Variants in CEP126 observed in about 807,000 individuals in gnomAD.
CEP126 encodes centrosomal protein 126.
A neutral mutation model predicts 107.8 loss-of-function variants in CEP126; 74 were observed. The observed-to-expected ratio is 0.69, with a 90% confidence interval of 0.57 to 0.83. CEP126 has a LOEUF of 0.83. Among genes scored for constraint, CEP126 ranks in the 40% least tolerant of loss-of-function variants. The pLI is 0.00. For synonymous variants in CEP126, 449 were observed against 446.0 expected, an observed-to-expected ratio of 1.01 and a Z score of -0.08; for missense variants, 1,237 against 1,281.9, an observed-to-expected ratio of 0.96 and a Z score of 0.53.
intron 5 of CEP126, among the ~76,000 whole-genome samples, chr11:101,960,656 ATAAAT>A (rs948962470): frequency 2.6e-5 from 4 of 152,206 alleles, no homozygotes; most frequent in Admixed American, 1.3e-4. Flanking sequence ...AACTAACTAT[ATAAAT>A]TAAAATATTT....
chr11:101,934,637 C>T (rs867270537), intron 2 of CEP126, among the ~76,000 whole-genome samples: 2 of 152,052 alleles, frequency 1.3e-5, no homozygotes, highest in African/African-American at 4.8e-5. Context: ...CCCTTCATAG[C>T]AACCACTGTT....
At chr11:101,967,331 A>G (rs1259144711) in intron 6 of CEP126, among the ~76,000 whole-genome samples, 1 of 152,044 alleles carries the variant, frequency 6.6e-6, no homozygotes, top group Admixed American at 6.6e-5. Context: ...CATCATTTCA[A>G]TAGTTCTTTT....
At chr11:101,990,414 A>C (rs1941364739) in intron 9 of CEP126, among the ~76,000 whole-genome samples, 1 of 152,214 alleles carries the variant, frequency 6.6e-6, no homozygotes, top group Non-Finnish European at 1.5e-5. Context: ...GTGAAGACTT[A>C]CTGGGGCTAG....
chr11:101,962,434 T>C lies in CEP126; in HGVS notation c.1399T>C (p.Ser467Pro), dbSNP rs565696093. 5.6e-6 allele frequency: 9 copies of C among 1,613,838 alleles called. No individual in the cohort carries two copies. In the South Asian group the frequency reaches 9.9e-5, roughly 18 times the overall value. ...AGTGGCAACGCCTTTAGTTTTGCCA[T>C]CTAATATACAGTCAGCTAGACCTTC... The part of the protein sequence containing the change: ...VPVATPLVLP[S>P]NIQSARPSAK... The change falls in exon 6 of 11, where the codon TCT becomes CCT. Residue 467 changes from serine to proline, a missense_variant. Coordinates refer to ENST00000263468, the MANE Select transcript of CEP126 (RefSeq NM_020802.4).
intron 6 of CEP126, among the ~76,000 whole-genome samples, chr11:101,966,072 A>T (rs1176043727): frequency 6.6e-6 from 1 of 152,196 alleles, no homozygotes. Flanking sequence ...TTTTCCTGAC[A>T]TTTAGTCAAA....
At chr11:101,994,914 G>C (rs370838504) in intron 10 of CEP126, among the ~76,000 whole-genome samples, 1 of 148,502 alleles carries the variant, frequency 6.7e-6, no homozygotes, top group Non-Finnish European at 1.5e-5. Flanking sequence ...TGGGATACAT[G>C]TGCAGAACAT....
In CEP126 at chr11:101,961,694, C is replaced by T. The variant is rs1940970984; in HGVS notation, c.706-47C>T. ...TGGTATGTTGAATCGTTAATCTTGG[C>T]ATTTAAAAGTTTATAAGCTATAAAA... On this transcript the variant is annotated intron_variant, in intron 5 of 10. Coordinates refer to ENST00000263468, the MANE Select transcript of CEP126 (RefSeq NM_020802.4). 2.8e-6 allele frequency: 3 copies of T among 1,064,996 alleles called. No homozygotes were observed. The South Asian group carries it at 5.0e-5, about 18-fold the overall frequency. 66.0% of individuals were successfully genotyped at this position (1,064,996 alleles called of 1,614,324 possible).
intron 1 of CEP126, among the ~76,000 whole-genome samples, chr11:101,917,611 A>G (rs1219598501): frequency 5.9e-5 from 9 of 151,988 alleles, no homozygotes; most frequent in African/African-American, 2.2e-4. Context: ...TTTAAAAAAA[A>G]AAAAAAAAGG....
chr11:101,920,259 G>A (rs1212422219), intron 1 of CEP126, among the ~76,000 whole-genome samples: 1 of 152,124 alleles, frequency 6.6e-6, no homozygotes, highest in African/African-American at 2.4e-5. Flanking sequence ...TCTGAAATAT[G>A]TAATAATAGA....
In CEP126 at chr11:101,963,198, T is replaced by G. The variant is rs1166163543; in HGVS notation, c.2163T>G (p.Phe721Leu). ...LNCFIPSGYN[F>L]AKHAWPASKK... ...GTTTTATACCTTCAGGTTATAACTT[T>G]GCTAAACATGCCTGGCCAGCCTCAA... The change falls in exon 6 of 11, where the codon TTT becomes TTG. Residue 721 changes from phenylalanine (F) to leucine (L), a missense_variant. Physicochemically the swap from Phe to Leu is conservative, Grantham distance 22 (BLOSUM62 0). This residue lies in a region of CEP126 where 1,134 missense variants were observed against 1,150.5 expected (regional missense o/e 0.99). Transcript: ENST00000263468. 1.2e-6 allele frequency: 2 copies of G among 1,613,924 alleles called. No individual in the cohort carries two copies. Among genetic ancestry groups the G allele is most frequent in the African/African-American group, 2.7e-5 (2 of 74,906 alleles).
At chr11:101,964,587 A>G (rs1253071497) in intron 6 of CEP126, among the ~76,000 whole-genome samples, 1 of 151,556 alleles carries the variant, frequency 6.6e-6, no homozygotes, top group Non-Finnish European at 1.5e-5. Flanking sequence ...CAGTGAGCCA[A>G]GGTGGTGCAC....
chr11:101,938,176 AT>A (rs66535431), intron 2 of CEP126, among the ~76,000 whole-genome samples: 3,004 of 132,642 alleles, frequency 0.023, 577 homozygotes, highest in African/African-American at 0.077. Context: ...AAAAAAAAAA[AT>A]ACAAGAAATT....
Position 101,963,176 on chromosome 11 carries a change from T to C in CEP126, c.2141T>C (p.Phe714Ser). The C allele has an allele frequency of 6.2e-7, 1 of 1,614,058 alleles. No individual in the cohort carries two copies. The highest frequency in any genetic ancestry group is 1.3e-5 in the African/African-American group (1 of 75,052). Residue 714 changes from phenylalanine to serine, a missense_variant, in exon 6 of 11, where the codon TTT becomes TCT. By Grantham distance (155) the Phe-to-Ser change is radical. This residue lies in a region of CEP126 where 1,134 missense variants were observed against 1,150.5 expected (regional missense o/e 0.99). Transcript: ENST00000263468. ...GCAGACCATATGCCTTTGAACTGTT[T>C]TATACCTTCAGGTTATAACTTTGCT... is the stretch of plus-strand genomic sequence containing the variant. The part of the protein sequence containing the change: ...SGADHMPLNC[F>S]IPSGYNFAKH...
chr11:101,937,254 C>A (rs1487652627), intron 2 of CEP126, among the ~76,000 whole-genome samples: 1 of 152,200 alleles, frequency 6.6e-6, no homozygotes, highest in Non-Finnish European at 1.5e-5. Context: ...ATTCCTGAGT[C>A]TGAATTTATA....
At chr11:101,981,467 A>G (rs890691324) in intron 7 of CEP126, among the ~76,000 whole-genome samples, 2 of 151,828 alleles carry the variant, frequency 1.3e-5, no homozygotes, top group African/African-American at 2.4e-5. Context: ...CTAATTTTTT[A>G]TATTTTTAGT....
chr11:101,943,296 G>A (rs1013852207), intron 2 of CEP126, among the ~76,000 whole-genome samples: 12 of 151,770 alleles, frequency 7.9e-5, no homozygotes, highest in Admixed American at 2.0e-4. Flanking sequence ...GTCCTCTATC[G>A]CCTGAAAGTA....
intron 10 of CEP126, 30 bp downstream of exon 10, chr11:101,992,872 T>C: frequency 6.7e-7 from 1 of 1,489,668 alleles, no homozygotes; most frequent in Non-Finnish European, 8.9e-7. Context: ...CTTTTTTTCT[T>C]GTTTTAGGAA....
In CEP126 at chr11:101,997,703, C is replaced by T. The variant is rs535336546; in HGVS notation, c.*60C>T. The T allele has an allele frequency of 2.2e-5, 35 of 1,604,860 alleles. No individual in the cohort carries two copies. The highest frequency in any genetic ancestry group is 1.9e-4 in the South Asian group (17 of 90,218). On this transcript the variant is annotated 3_prime_UTR_variant, in exon 11 of 11. Coordinates refer to ENST00000263468, the MANE Select transcript of CEP126 (RefSeq NM_020802.4). The stretch of plus-strand genomic sequence containing the variant: ...TACTTCCCTAGGACTAGATGCATAC[C>T]GTTTTGTGAAAACCAGCCATAGGAA...
At chr11:101,973,890 T>C (rs1254868426) in intron 6 of CEP126, among the ~76,000 whole-genome samples, 1 of 152,196 alleles carries the variant, frequency 6.6e-6, no homozygotes, top group African/African-American at 2.4e-5. Context: ...TTGCCTATTT[T>C]TCTATTTTTT....
Sources: gnomAD v4.1 joint callset for allele counts (sites outside exome capture counted in the v4.1 genomes callset) on GRCh38, gnomAD v4.1.1 for gene constraint, gnomAD v4.1.1 regional missense constraint, MANE v1.5 for transcripts, NCBI Gene and HGNC (gene_info 2026-07-23, HGNC 2026-07-21) for gene names.